The following SBF2 variants were observed in gnomAD, a reference collection of about 807,000 sequenced individuals.
The protein encoded by SBF2 is SET binding factor 2.
In SBF2, 112 loss-of-function variants were observed where a neutral mutation model predicts 225.2. That is an observed-to-expected ratio of 0.50 (90% confidence interval 0.43 to 0.58). The LOEUF (loss-of-function observed/expected upper bound fraction) is 0.58. Among genes scored for constraint, SBF2 ranks in the 20% least tolerant of loss-of-function variants. SBF2 has a pLI of 0.00. For synonymous variants in SBF2, 763 were observed against 773.3 expected (o/e 0.99, Z 0.22); for missense variants, 1,996 against 2,206.2 (o/e 0.90, Z 1.91).
At chr11:9,882,083 A>G (rs999917434) in intron 17 of SBF2, among the ~76,000 whole-genome samples, 1 of 152,234 alleles carries the variant, frequency 6.6e-6, no homozygotes, top group Non-Finnish European at 1.5e-5. Flanking sequence ...CAAGTTGTTA[A>G]ACATGCAATT....
At chr11:9,806,508 A>G (rs1168385745) in intron 32 of SBF2, among the ~76,000 whole-genome samples, 1 of 152,212 alleles carries the variant, frequency 6.6e-6, no homozygotes, top group Admixed American at 6.5e-5. Context: ...TTTCAGAGAC[A>G]ATGGTCTCCA....
At chr11:10,023,690 C>T (rs576493561) in intron 6 of SBF2, among the ~76,000 whole-genome samples, 1 of 152,206 alleles carries the variant, frequency 6.6e-6, no homozygotes, top group African/African-American at 2.4e-5. Context: ...GGTTGTAGCA[C>T]GTATCAATAC....
At chr11:10,124,652 T>A (rs1953652463) in intron 2 of SBF2, among the ~76,000 whole-genome samples, 2 of 152,186 alleles carry the variant, frequency 1.3e-5, no homozygotes, top group Non-Finnish European at 2.9e-5. Flanking sequence ...TGTGTGAAAA[T>A]TTCCTGACAT....
In SBF2 at chr11:10,029,856, T is replaced by C. The variant is rs1167617697; in HGVS notation, c.422A>G (p.Tyr141Cys). 13 of 1,613,108 alleles carry C rather than the reference T, an allele frequency of 8.1e-6. No individual in the cohort carries two copies. Among genetic ancestry groups the C allele is most frequent in the East Asian group, 4.5e-5 (2 of 44,868 alleles). Residue 141 changes from tyrosine (Y) to cysteine (C), a missense_variant, in exon 5 of 40, where the codon TAT becomes TGT. Transcript: ENST00000256190. ...ATTCAGGCTGTCCACATACACGGTA[T>C]AGATCAAACCCAGGCAAGCCTGCAA... is the stretch of plus-strand genomic sequence containing the variant. ...EIFRACLGLI[Y>C]TVYVDSLNVS...
rs1854010179 is a variant in SBF2 at position 9,808,996 on chromosome 11, T to C, written c.4162A>G (p.Arg1388Gly). 4 of 1,613,324 alleles carry C rather than the reference T, an allele frequency of 2.5e-6. No individual in the cohort carries two copies. The highest frequency in any genetic ancestry group is 3.4e-6 in the Non-Finnish European group (4 of 1,179,284). ...ACAACCACAGCCAGCTGCATTATCC[T>C]GTGAAGCTAAGAGACAGGAAGGAGA... The part of the protein sequence containing the change: ...GDSEWFPQLH[R>G]IMQLAVVVSE... The change falls in exon 31 of 40, where the codon AGG (arginine) becomes GGG (glycine). Residue 1388 changes from arginine to glycine, a missense_variant. Transcript: ENST00000256190.
chr11:10,023,357 C>T (rs1948929808), intron 6 of SBF2, among the ~76,000 whole-genome samples: 1 of 152,112 alleles, frequency 6.6e-6, no homozygotes, highest in Non-Finnish European at 1.5e-5. Flanking sequence ...TTTTAACAAG[C>T]CTCTAACAGT....
chr11:10,226,539 C>A (rs924373748), intron 1 of SBF2, among the ~76,000 whole-genome samples: 1 of 149,302 alleles, frequency 6.7e-6, no homozygotes. Context: ...TCCATGTGTT[C>A]TCATTGTTCA....
rs903559754 is a variant in SBF2 at position 9,853,452 on chromosome 11, T to A, written c.2536+88A>T. The A allele has an allele frequency of 2.2e-5, 25 of 1,141,766 alleles. 1 individual carries two copies. Among genetic ancestry groups the A allele is most frequent in the Non-Finnish European group, 3.2e-5 (24 of 752,060 alleles). The allele number at this position is 1,141,766 out of a possible 1,614,324, so 70.7% of individuals were successfully genotyped here. On this transcript the variant is annotated intron_variant, in intron 20 of 39. Coordinates refer to ENST00000256190, the MANE Select transcript of SBF2 (RefSeq NM_030962.4). The stretch of plus-strand genomic sequence containing the variant: ...AAATAAATAAATAGCATGGCTGAAC[T>A]ATAATGGAAGACATGTATTGCCAGG...
In SBF2 at chr11:9,842,578, A is replaced by G. The variant is rs200456578; in HGVS notation, c.3256+47T>C. On this transcript the variant is annotated intron_variant, in intron 25 of 39. Coordinates refer to ENST00000256190, the MANE Select transcript of SBF2 (RefSeq NM_030962.4). ...AACTACATCTGAGTCTCTTATTCAT[A>G]TAAGAAATAAAGTTGAATAATGAAG... 1.3e-3 allele frequency: 2,070 copies of G among 1,592,206 alleles called. 1 individual carries two copies. The highest frequency in any genetic ancestry group is 1.4e-3 in the Non-Finnish European group (1,595 of 1,160,892).
chr11:10,086,566 G>T (rs1300680696), intron 2 of SBF2, among the ~76,000 whole-genome samples: 2 of 152,266 alleles, frequency 1.3e-5, no homozygotes, highest in South Asian at 4.1e-4. Flanking sequence ...ACAATCAGAG[G>T]AGAATTATTA....
chr11:10,093,890 T>C (rs1038719605), intron 2 of SBF2, among the ~76,000 whole-genome samples: 1 of 152,170 alleles, frequency 6.6e-6, no homozygotes, highest in African/African-American at 2.4e-5. Flanking sequence ...AGTAGTTAAA[T>C]AGACACAATA....
chr11:10,000,953 A>G lies in SBF2; in HGVS notation c.822T>C (p.Ile274=), dbSNP rs776897720. Residue 274 remains isoleucine (I), a synonymous_variant, in exon 8 of 40, where the codon ATT becomes ATC. Coordinates refer to ENST00000256190, the MANE Select transcript of SBF2 (RefSeq NM_030962.4). Reference sequence around the variant, plus strand: ...CAGTTTTAAAGACAGAATGTACTCCAATAATGAAAGGCGTTGGGGAACTTA... The same window carrying G: ...CAGTTTTAAAGACAGAATGTACTCCGATAATGAAAGGCGTTGGGGAACTTA... The part of the protein sequence containing the change: ...EVLSSPTPFI[I]GVHSVFKTDV... The G allele has an allele frequency of 1.1e-5, 17 of 1,605,894 alleles. No individual in the cohort carries two copies. Among genetic ancestry groups the G allele is most frequent in the Middle Eastern group, 3.3e-4 (2 of 6,062 alleles).
chr11:9,816,693 A>G, intron 29 of SBF2, 147 bp downstream of exon 29: 1 of 548,996 alleles, frequency 1.8e-6, no homozygotes, highest in Non-Finnish European at 3.1e-6. Flanking sequence ...TAAATACAAA[A>G]GGAGAGCTAA....
At chr11:10,285,998 A>G (rs1198139232) in intron 1 of SBF2, among the ~76,000 whole-genome samples, 3 of 152,216 alleles carry the variant, frequency 2.0e-5, no homozygotes, top group Non-Finnish European at 4.4e-5. Context: ...GTATGTTAAG[A>G]GAGTAGATCT....
intron 32 of SBF2, among the ~76,000 whole-genome samples, chr11:9,802,092 C>T (rs144085562): frequency 6.6e-4 from 101 of 152,188 alleles, no homozygotes; most frequent in African/African-American, 2.2e-3. Flanking sequence ...ACTCTAATGC[C>T]GAAATAAAGG....
intron 6 of SBF2, among the ~76,000 whole-genome samples, chr11:10,009,369 A>G (rs532199586): frequency 8.1e-4 from 123 of 152,218 alleles, no homozygotes; most frequent in African/African-American, 2.9e-3. Flanking sequence ...TCAACCTGTC[A>G]TCTACATTAG....
At chr11:10,088,791 T>A (rs1951673141) in intron 2 of SBF2, among the ~76,000 whole-genome samples, 2 of 152,220 alleles carry the variant, frequency 1.3e-5, no homozygotes, top group African/African-American at 4.8e-5. Context: ...AATTTCAGCA[T>A]GAGGCTTGGG....
At chr11:10,032,159 C>G (rs72858836) in intron 3 of SBF2, among the ~76,000 whole-genome samples, 8,114 of 152,192 alleles carry the variant, frequency 0.053, 297 homozygotes, top group Middle Eastern at 0.15. Flanking sequence ...CAATAAAAAA[C>G]GCTTAAAACA....
intron 17 of SBF2, among the ~76,000 whole-genome samples, chr11:9,890,849 G>A (rs1166744804): frequency 1.3e-5 from 2 of 152,052 alleles, no homozygotes; most frequent in African/African-American, 4.8e-5. Flanking sequence ...AGTTAAAGGT[G>A]GCAGCCGGGT....
Sources: gnomAD v4.1 joint callset for allele counts (sites outside exome capture counted in the v4.1 genomes callset) on GRCh38, gnomAD v4.1.1 for gene constraint, MANE v1.5 for transcripts, NCBI Gene and HGNC (gene_info 2026-07-23, HGNC 2026-07-21) for gene names.